The following KCNN2 variants were observed in gnomAD, a reference collection of about 807,000 sequenced individuals.
KCNN2 encodes small conductance calcium-activated potassium channel protein 2.
Under a neutral mutation model 55.5 loss-of-function variants are expected in KCNN2, and 24 were observed. That is an observed-to-expected ratio of 0.43 (90% confidence interval 0.31 to 0.61). The LOEUF (loss-of-function observed/expected upper bound fraction) is 0.61. Ranked by LOEUF, KCNN2 falls within the 20% of genes least tolerant of loss-of-function variation. The probability of loss-of-function intolerance (pLI) is 0.08; values close to 1 mark genes in which losing one functional copy is unlikely to be tolerated. For missense variants in KCNN2, 754 were observed against 853.6 expected (o/e 0.88, Z 1.45); for synonymous variants, 431 against 336.1 (o/e 1.28, Z -3.09).
At position 114,363,016 on chromosome 5, in the gene KCNN2, C is replaced by G; in HGVS notation, c.877C>G (p.Leu293Val). Residue 293 changes from leucine (L) to valine (V), a missense_variant, in exon 1 of 8, where the codon CTC becomes GTC. By Grantham distance (32) the Leu-to-Val change is conservative. Coordinates refer to ENST00000673685, the MANE Select transcript of KCNN2 (RefSeq NM_021614.4). Reference sequence around the variant, plus strand: ...GCACAACAACTCCAACAACCTGGCGCTCTATGGAACCGGCGGCGGAGGCAG... The same window carrying G: ...GCACAACAACTCCAACAACCTGGCGGTCTATGGAACCGGCGGCGGAGGCAG... ...PEHNNSNNLALYGTGGGGSTG... is the reference protein window; with the variant it reads ...PEHNNSNNLAVYGTGGGGSTG... The G allele has an allele frequency of 6.2e-7, 1 of 1,600,574 alleles. No individual in the cohort carries two copies. The highest frequency in any genetic ancestry group is 8.5e-7 in the Non-Finnish European group (1 of 1,176,384).
At chr5:114,157,888 A>T (rs1752673248) in intron 1 of KCNN2, among the ~76,000 whole-genome samples, 1 of 149,886 alleles carries the variant, frequency 6.7e-6, no homozygotes, top group African/African-American at 2.5e-5. Flanking sequence ...AGTTCATTGT[A>T]GATTCTGGAT....
chr5:114,282,345 A>G (rs569674701), intron 2 of KCNN2, among the ~76,000 whole-genome samples: 9 of 152,270 alleles, frequency 5.9e-5, no homozygotes, highest in Admixed American at 5.9e-4. Context: ...ATGTGATGGA[A>G]CATGACCTAT....
chr5:114,487,714 A>G (rs543698413), intron 6 of KCNN2, among the ~76,000 whole-genome samples: 1 of 152,300 alleles, frequency 6.6e-6, no homozygotes, highest in Non-Finnish European at 1.5e-5. Context: ...ATTGTTATAT[A>G]ATTAGCATAC....
intron 1 of KCNN2, among the ~76,000 whole-genome samples, chr5:114,172,610 G>C (rs930485584): frequency 1.3e-4 from 19 of 147,096 alleles, no homozygotes; most frequent in Non-Finnish European, 2.7e-4. Context: ...ATATATTATA[G>C]TTTATATAAC....
intron 7 of KCNN2, 40 bp from the exon 8 acceptor site, chr5:114,495,855 G>T: frequency 1.3e-6 from 2 of 1,582,078 alleles, no homozygotes; most frequent in South Asian, 2.3e-5. Flanking sequence ...TTGTGTTCAG[G>T]GCAAGTATAA....
chr5:114,432,087 T>C (rs1379304972), intron 3 of KCNN2, among the ~76,000 whole-genome samples: 5 of 152,244 alleles, frequency 3.3e-5, no homozygotes, highest in Non-Finnish European at 7.3e-5. Context: ...CTAGATCCAG[T>C]TGATTGATGG....
At chr5:114,495,059 T>C (rs1193722720) in intron 7 of KCNN2, among the ~76,000 whole-genome samples, 1 of 152,164 alleles carries the variant, frequency 6.6e-6, no homozygotes, top group Non-Finnish European at 1.5e-5. Flanking sequence ...CAGTCCTCTC[T>C]CTTTGTCTCT....
At chr5:114,375,020 C>CA (rs1757891136) in intron 2 of KCNN2, among the ~76,000 whole-genome samples, 1 of 152,084 alleles carries the variant, frequency 6.6e-6, no homozygotes, top group African/African-American at 2.4e-5. Context: ...TTAGTTTTGA[C>CA]AAAGACATAC....
intron 1 of KCNN2, among the ~76,000 whole-genome samples, chr5:114,180,057 C>G (rs928559768): frequency 6.6e-6 from 1 of 151,982 alleles, no homozygotes; most frequent in African/African-American, 2.4e-5. Flanking sequence ...ATGTCTTTTC[C>G]CTGAAGCACG....
intron 1 of KCNN2, among the ~76,000 whole-genome samples, chr5:114,137,298 T>C (rs1752193372): frequency 6.6e-6 from 1 of 152,102 alleles, no homozygotes; most frequent in African/African-American, 2.4e-5. Flanking sequence ...CATCCTTAAA[T>C]ATATGCAAAA....
intron 1 of KCNN2, among the ~76,000 whole-genome samples, chr5:114,139,143 A>T (rs891141588): frequency 6.6e-6 from 1 of 152,096 alleles, no homozygotes; most frequent in Non-Finnish European, 1.5e-5. Flanking sequence ...TTACATGGCA[A>T]CCTCTCTGTT....
intron 1 of KCNN2, among the ~76,000 whole-genome samples, chr5:114,103,290 G>A (rs1028067006): frequency 2.0e-5 from 3 of 151,702 alleles, no homozygotes; most frequent in African/African-American, 7.3e-5. Flanking sequence ...ATCCTGAGAC[G>A]GCTGAAGTTG....
At chr5:114,459,284 A>C (rs977390394) in intron 3 of KCNN2, among the ~76,000 whole-genome samples, 4 of 152,188 alleles carry the variant, frequency 2.6e-5, no homozygotes, top group African/African-American at 9.7e-5. Context: ...AATCTTATTG[A>C]ATGTGTTTTT....
At chr5:114,238,167 A>C (rs959616046) in intron 2 of KCNN2, among the ~76,000 whole-genome samples, 1 of 152,250 alleles carries the variant, frequency 6.6e-6, no homozygotes, top group African/African-American at 2.4e-5. Flanking sequence ...GGTGAGATAT[A>C]GTTAAATACT....
chr5:114,159,855 T>G (rs1752727192), intron 1 of KCNN2, among the ~76,000 whole-genome samples: 1 of 152,146 alleles, frequency 6.6e-6, no homozygotes, highest in Non-Finnish European at 1.5e-5. Context: ...TGACATCCCC[T>G]TTGTCATTTT....
In KCNN2 at chr5:114,362,660, G is replaced by A; in HGVS notation, c.521G>A (p.Gly174Asp). The A allele has an allele frequency of 1.5e-6, 2 of 1,375,390 alleles. No individual in the cohort carries two copies. Among genetic ancestry groups the A allele is most frequent in the East Asian group, 2.6e-5 (1 of 38,136 alleles). 85.2% of individuals were successfully genotyped at this position (1,375,390 alleles called of 1,614,324 possible). A position where few individuals can be genotyped will look rare whatever the true frequency, so the allele number is the denominator to read the frequency against. Residue 174 changes from glycine to aspartate, a missense_variant, in exon 1 of 8, where the codon GGC (glycine) becomes GAC (aspartate). Physicochemically the swap from Gly to Asp is moderately conservative, Grantham distance 94. Around this residue, in one of 4 missense-constraint regions of KCNN2, gnomAD observed 381 missense variants for 259.1 expected, o/e 1.47. Coordinates refer to ENST00000673685, the MANE Select transcript of KCNN2 (RefSeq NM_021614.4). ...GCCGCCAGCCCCACGGGCAGCCTCG[G>A]CAGTCTGGGCTCCGGGCCCCCGCTC... ...QPAASPTGSLGSLGSGPPLSH... is the reference protein window; with the variant it reads ...QPAASPTGSLDSLGSGPPLSH...
At chr5:114,489,785 T>A (rs182677856) in intron 6 of KCNN2, among the ~76,000 whole-genome samples, 2 of 152,280 alleles carry the variant, frequency 1.3e-5, no homozygotes, top group Admixed American at 6.5e-5. Flanking sequence ...AAGGCTTCCA[T>A]TGCCCACTGT....
intron 3 of KCNN2, among the ~76,000 whole-genome samples, chr5:114,420,625 A>G (rs1005367978): frequency 2.6e-5 from 4 of 152,258 alleles, no homozygotes; most frequent in African/African-American, 9.6e-5. Context: ...ATTCCTTAGA[A>G]GAGTATAAAA....
intron 2 of KCNN2, among the ~76,000 whole-genome samples, chr5:114,333,949 A>T (rs1320135694): frequency 2.0e-5 from 3 of 152,110 alleles, no homozygotes; most frequent in African/African-American, 4.8e-5. Context: ...TATCCCAGTC[A>T]TTTAGGGTGG....
Sources: gnomAD v4.1 joint callset for allele counts (sites outside exome capture counted in the v4.1 genomes callset) on GRCh38, gnomAD v4.1.1 for gene constraint, gnomAD v4.1.1 regional missense constraint, MANE v1.5 for transcripts, NCBI Gene and HGNC (gene_info 2026-07-23, HGNC 2026-07-21) for gene names.